PLXDC2: variants seen among roughly 807,000 people sequenced by gnomAD.
PLXDC2 encodes the protein plexin domain-containing protein 2.
PLXDC2 carries 40 observed loss-of-function variants against 68.9 expected under a neutral mutation model. The observed-to-expected ratio is 0.58, with a 90% CI of 0.45 to 0.76. PLXDC2 has a LOEUF of 0.76. Among genes scored for constraint, PLXDC2 ranks in the 30% least tolerant of loss-of-function variants. The probability of loss-of-function intolerance (pLI) is 0.00; values close to 1 mark genes in which losing one functional copy is unlikely to be tolerated. For synonymous variants in PLXDC2, 243 were observed against 234.2 expected (o/e 1.04, Z -0.34); for missense variants, 644 against 661.9 (o/e 0.97, Z 0.30).
chr10:20,133,410 T>C lies in PLXDC2; in HGVS notation c.542-9885T>C, dbSNP rs569017598. ...GTCCTAATGGTGATGAACTCCCTCA[T>C]CTTTTGTTTGTCTGGGAAATTCTGT... On this transcript the variant is annotated intron_variant, in intron 4 of 13. Coordinates refer to ENST00000377252, the MANE Select transcript of PLXDC2 (RefSeq NM_032812.9). 4.3e-4 allele frequency among the ~76,000 whole-genome samples: 65 copies of C among 152,326 alleles called. 1 individual carries two copies. Among genetic ancestry groups the C allele is most frequent in the African/African-American group, 1.4e-3 (60 of 41,580 alleles).
At chr10:19,955,250 C>T (rs1834051352) in intron 1 of PLXDC2, among the ~76,000 whole-genome samples, 1 of 150,372 alleles carries the variant, frequency 6.7e-6, no homozygotes, top group African/African-American at 2.5e-5. Context: ...CCCAAGCTGG[C>T]CTCAAACTCC....
At chr10:20,140,520 G>T (rs181739679) in intron 4 of PLXDC2, among the ~76,000 whole-genome samples, 3 of 151,898 alleles carry the variant, frequency 2.0e-5, no homozygotes, top group Admixed American at 2.0e-4. Context: ...GTATCTGTGA[G>T]TACCTTTAAA....
chr10:19,948,311 G>A (rs1158332216), intron 1 of PLXDC2, among the ~76,000 whole-genome samples: 1 of 151,894 alleles, frequency 6.6e-6, no homozygotes, highest in Non-Finnish European at 1.5e-5. Context: ...TCAATGAAGG[G>A]AAATGGGGAA....
At chr10:20,167,068 T>G (rs1421708600) in intron 7 of PLXDC2, among the ~76,000 whole-genome samples, 2 of 152,122 alleles carry the variant, frequency 1.3e-5, no homozygotes, top group Non-Finnish European at 2.9e-5. Flanking sequence ...CTGTTAACCT[T>G]ACTGTTCCAT....
rs1836092410 is a variant in PLXDC2, at chr10:20,282,358, G to T, written c.*2539G>T. 1 of 152,008 alleles carries T rather than the reference G, an allele frequency of 6.6e-6. No individual in the cohort carries two copies. Among genetic ancestry groups the T allele is most frequent in the Non-Finnish European group, 1.5e-5 (1 of 67,998 alleles). The allele number at this position is 152,008 out of a possible 1,614,324, so 9.4% of individuals were successfully genotyped here. ...CATACAGTTTCTGAAAATTCAAAAT[G>T]GTCATCAATGCTTTGGACTTTACAT... is the stretch of plus-strand genomic sequence containing the variant. On this transcript the variant is annotated 3_prime_UTR_variant, in exon 14 of 14. Coordinates refer to ENST00000377252, the MANE Select transcript of PLXDC2 (RefSeq NM_032812.9).
At chr10:20,023,746 A>G (rs923276307) in intron 2 of PLXDC2, among the ~76,000 whole-genome samples, 3 of 145,578 alleles carry the variant, frequency 2.1e-5, no homozygotes, top group Non-Finnish European at 4.5e-5. Context: ...AAAGTTATTT[A>G]TAGGCAGCCA....
Position 20,001,952 on chromosome 10 carries a change from T to A in PLXDC2, c.290T>A (p.Leu97Gln). ...CCCAGAAGCTTCACAGACCTGCTGC[T>A]GGATGATGGGCAGGACAATAACACT... ...PEPRSFTDLL[L>Q]DDGQDNNTQI... Residue 97 changes from leucine to glutamine, a missense_variant, in exon 2 of 14, where the codon CTG becomes CAG. Leu to Gln is a moderately radical substitution (Grantham distance 113). This residue lies in a region of PLXDC2 where 201 missense variants were observed against 166.9 expected (regional missense o/e 1.20). Coordinates refer to ENST00000377252, the MANE Select transcript of PLXDC2 (RefSeq NM_032812.9). 2.5e-6 allele frequency: 4 copies of A among 1,612,814 alleles called. No individual in the cohort carries two copies. Among genetic ancestry groups the A allele is most frequent in the Non-Finnish European group, 3.4e-6 (4 of 1,179,948 alleles).
intron 2 of PLXDC2, among the ~76,000 whole-genome samples, chr10:20,044,666 G>T (rs1243402781): frequency 6.6e-6 from 1 of 152,020 alleles, no homozygotes; most frequent in Non-Finnish European, 1.5e-5. Context: ...TTTCCCCATA[G>T]TAGCAAAATG....
intron 5 of PLXDC2, among the ~76,000 whole-genome samples, chr10:20,145,636 G>C (rs755328892): frequency 6.6e-6 from 1 of 151,986 alleles, no homozygotes; most frequent in Non-Finnish European, 1.5e-5. Context: ...TACAACCTCC[G>C]CTTCCCGGGT....
At chr10:20,099,975 T>A (rs1366389651) in intron 4 of PLXDC2, among the ~76,000 whole-genome samples, 1 of 152,184 alleles carries the variant, frequency 6.6e-6, no homozygotes, top group African/African-American at 2.4e-5. Context: ...TAAAATATTA[T>A]TTCATATGTT....
Position 20,287,830 on chromosome 10 carries a change from G to A in PLXDC2, c.*8011G>A, listed in dbSNP as rs1040021388. On this transcript the variant is annotated 3_prime_UTR_variant, in exon 14 of 14. Coordinates refer to ENST00000377252, the MANE Select transcript of PLXDC2 (RefSeq NM_032812.9). ...GCCTGGAGAGTACATTATTTTCAGG[G>A]GAAAAAAAGGAGAGAGTCTTTTTTA... 6 of 151,250 alleles carry A rather than the reference G, an allele frequency of 4.0e-5. No individual in the cohort carries two copies. Among genetic ancestry groups the A allele is most frequent in the Non-Finnish European group, 7.4e-5 (5 of 67,936 alleles). 9.4% of individuals were successfully genotyped at this position (151,250 alleles called of 1,614,324 possible). A position where few individuals can be genotyped will look rare whatever the true frequency, so the allele number is the denominator to read the frequency against.
chr10:20,251,119 A>C (rs1358128336), intron 13 of PLXDC2, among the ~76,000 whole-genome samples: 1 of 152,120 alleles, frequency 6.6e-6, no homozygotes, highest in Non-Finnish European at 1.5e-5. Context: ...AAAACATTCC[A>C]TTTCTATTCA....
At chr10:19,885,235 T>C (rs1207343242) in intron 1 of PLXDC2, among the ~76,000 whole-genome samples, 2 of 151,900 alleles carry the variant, frequency 1.3e-5, no homozygotes, top group Non-Finnish European at 2.9e-5. Context: ...TGGAGTTCAT[T>C]GTAGATTCTG....
chr10:20,005,959 G>T (rs1175353115), intron 2 of PLXDC2, among the ~76,000 whole-genome samples: 1 of 152,182 alleles, frequency 6.6e-6, no homozygotes, highest in Non-Finnish European at 1.5e-5. Context: ...GTAGGCTGAA[G>T]TGCGCAGATC....
chr10:20,069,405 G>T (rs1054516448), intron 4 of PLXDC2, among the ~76,000 whole-genome samples: 8 of 152,134 alleles, frequency 5.3e-5, no homozygotes, highest in African/African-American at 1.9e-4. Flanking sequence ...GCTCATACCT[G>T]TAGCTACTTT....
intron 3 of PLXDC2, among the ~76,000 whole-genome samples, chr10:20,063,561 A>G (rs1259859084): frequency 6.6e-6 from 1 of 151,810 alleles, no homozygotes; most frequent in East Asian, 1.9e-4. Flanking sequence ...GGAATTGGGT[A>G]TATTTAGGAT....
chr10:19,970,005 G>A (rs985222469), intron 1 of PLXDC2, among the ~76,000 whole-genome samples: 3 of 152,182 alleles, frequency 2.0e-5, no homozygotes, highest in Admixed American at 1.3e-4. Context: ...TACATTTTTA[G>A]TCTAAATGAA....
In PLXDC2 at chr10:20,286,702, G is replaced by T. The variant is rs186371516; in HGVS notation, c.*6883G>T. On this transcript the variant is annotated 3_prime_UTR_variant, in exon 14 of 14. Transcript: ENST00000377252. ...GAAAAAAAAATAAAAATCTAAATGTGCTATTAGGCAGAGTTATTAACTTCT... is the reference window on the plus strand; with the variant it reads ...GAAAAAAAAATAAAAATCTAAATGTTCTATTAGGCAGAGTTATTAACTTCT... 1.2e-4 allele frequency: 18 copies of T among 152,244 alleles called. No homozygotes were observed. Among genetic ancestry groups the T allele is most frequent in the Admixed American group, 9.2e-4 (14 of 15,286 alleles). The allele number at this position is 152,244 out of a possible 1,614,324, so 9.4% of individuals were successfully genotyped here.
chr10:20,164,911 G>A (rs886262011), intron 7 of PLXDC2, among the ~76,000 whole-genome samples: 6 of 152,106 alleles, frequency 3.9e-5, no homozygotes, highest in African/African-American at 9.7e-5. Flanking sequence ...GACCTCCCAG[G>A]CTCAAATGAT....
Sources: gnomAD v4.1 joint callset for allele counts (sites outside exome capture counted in the v4.1 genomes callset) on GRCh38, gnomAD v4.1.1 for gene constraint, gnomAD v4.1.1 regional missense constraint, MANE v1.5 for transcripts, NCBI Gene and HGNC (gene_info 2026-07-23, HGNC 2026-07-21) for gene names.